COL23A1: variants seen among roughly 807,000 people sequenced by gnomAD.
The protein encoded by COL23A1 is collagen type XXIII alpha 1 chain.
In COL23A1, 97 loss-of-function variants were observed where a neutral mutation model predicts 99.3. The observed-to-expected ratio is 0.98, with a 90% CI of 0.83 to 1.16. The LOEUF (loss-of-function observed/expected upper bound fraction) is 1.16, where lower values mean the gene tolerates loss of function less well. Ranked by LOEUF, COL23A1 falls within the 50% of genes most tolerant of loss-of-function variation. The pLI, the probability that COL23A1 is intolerant of heterozygous loss-of-function variation, is 0.00. For missense variants in COL23A1, 762 were observed against 757.4 expected (o/e 1.01, Z -0.07); for synonymous variants, 320 against 308.2 (o/e 1.04, Z -0.40).
intron 5 of COL23A1, among the ~76,000 whole-genome samples, chr5:178,272,081 C>A (rs940575873): frequency 6.6e-5 from 10 of 152,234 alleles, no homozygotes; most frequent in Admixed American, 2.0e-4. Flanking sequence ...CCCTGTCCGT[C>A]CCGAGCTCTC....
chr5:178,502,232 C>T (rs981542868), intron 2 of COL23A1, among the ~76,000 whole-genome samples: 5 of 152,110 alleles, frequency 3.3e-5, no homozygotes, highest in South Asian at 2.1e-4. Context: ...CCCAGGTTCA[C>T]GCCATTCTCC....
At chr5:178,447,922 T>C (rs1038514102) in intron 2 of COL23A1, among the ~76,000 whole-genome samples, 1 of 152,092 alleles carries the variant, frequency 6.6e-6, no homozygotes, top group African/African-American at 2.4e-5. Flanking sequence ...GAGCTGATAA[T>C]GATGCCTTAA....
chr5:178,418,133 TA>T (rs1765412065), intron 2 of COL23A1, among the ~76,000 whole-genome samples: 1 of 152,240 alleles, frequency 6.6e-6, no homozygotes, highest in Non-Finnish European at 1.5e-5. Context: ...TGATCTTGGA[TA>T]AGTTACCTAA....
Position 178,488,698 on chromosome 5 carries a change from C to T in COL23A1, c.361+71984G>A, listed in dbSNP as rs546023272. Among the ~76,000 whole-genome samples, 22 of 150,498 alleles carry T rather than the reference C, an allele frequency of 1.5e-4. No individual in the cohort carries two copies. In the East Asian group the frequency reaches 3.9e-3, roughly 27 times the overall value. ...TGACTCTTTAAAAAAAAAAAAAACGCTTTGAGGTATGATTGACATGAACAA... is the reference window on the plus strand; with the variant it reads ...TGACTCTTTAAAAAAAAAAAAAACGTTTTGAGGTATGATTGACATGAACAA... On this transcript the variant is annotated intron_variant, in intron 2 of 28. Coordinates refer to ENST00000390654, the MANE Select transcript of COL23A1 (RefSeq NM_173465.4).
At chr5:178,320,470 C>T (rs541916500) in intron 2 of COL23A1, among the ~76,000 whole-genome samples, 22 of 152,324 alleles carry the variant, frequency 1.4e-4, no homozygotes, top group Admixed American at 3.3e-4. Flanking sequence ...AGGTCCCACG[C>T]GGCCCCCACG....
At chr5:178,276,889 G>T (rs541811163) in intron 5 of COL23A1, among the ~76,000 whole-genome samples, 1 of 152,296 alleles carries the variant, frequency 6.6e-6, no homozygotes, top group East Asian at 1.9e-4. Flanking sequence ...CCTCAACTCA[G>T]CAAACTGTAG....
At chr5:178,356,461 G>A (rs575401698) in intron 2 of COL23A1, among the ~76,000 whole-genome samples, 10 of 152,308 alleles carry the variant, frequency 6.6e-5, no homozygotes, top group African/African-American at 2.4e-4. Flanking sequence ...GGTATGTCTG[G>A]GGAGAACCAG....
chr5:178,529,737 G>A (rs1027425076), intron 2 of COL23A1, among the ~76,000 whole-genome samples: 3 of 152,052 alleles, frequency 2.0e-5, no homozygotes, highest in Non-Finnish European at 2.9e-5. Flanking sequence ...TCTCCCCAGC[G>A]AAACTACACA....
chr5:178,514,550 T>C (rs1381014459), intron 2 of COL23A1, among the ~76,000 whole-genome samples: 3 of 152,228 alleles, frequency 2.0e-5, no homozygotes, highest in African/African-American at 7.2e-5. Context: ...CCACAACCTG[T>C]GCCCTAAAAT....
chr5:178,385,020 C>A (rs938054946), intron 2 of COL23A1, among the ~76,000 whole-genome samples: 1 of 152,176 alleles, frequency 6.6e-6, no homozygotes, highest in Non-Finnish European at 1.5e-5. Context: ...GTCCCTAGAG[C>A]CTGAGCAGGT....
At chr5:178,299,132 T>C (rs1757900511) in intron 3 of COL23A1, among the ~76,000 whole-genome samples, 1 of 152,240 alleles carries the variant, frequency 6.6e-6, no homozygotes, top group South Asian at 2.1e-4. Context: ...GTGATGTCTT[T>C]GTCTAGTTTT....
At chr5:178,347,487 GA>G (rs1761040573) in intron 2 of COL23A1, among the ~76,000 whole-genome samples, 1 of 151,894 alleles carries the variant, frequency 6.6e-6, no homozygotes, top group South Asian at 2.1e-4. Flanking sequence ...AAACTTTCTG[GA>G]ATCAGACAGT....
intron 2 of COL23A1, among the ~76,000 whole-genome samples, chr5:178,487,839 G>A (rs1757718258): frequency 6.6e-6 from 1 of 152,228 alleles, no homozygotes; most frequent in Admixed American, 6.5e-5. Flanking sequence ...GGAACAGGAA[G>A]ACAAGAGCCA....
chr5:178,251,108 C>T (rs971036335), intron 17 of COL23A1, among the ~76,000 whole-genome samples: 6 of 151,266 alleles, frequency 4.0e-5, no homozygotes, highest in African/African-American at 9.7e-5. Flanking sequence ...CTACAAGCTC[C>T]GCCTGCTGGT....
chr5:178,479,128 G>A (rs1483940949), intron 2 of COL23A1, among the ~76,000 whole-genome samples: 1 of 145,834 alleles, frequency 6.9e-6, no homozygotes. Flanking sequence ...GATGATGACC[G>A]TGGTAATGAC....
chr5:178,523,195 TATATATAGAGAGAG>T (rs1399495885), intron 2 of COL23A1, among the ~76,000 whole-genome samples: 2 of 78,864 alleles, frequency 2.5e-5, no homozygotes, highest in African/African-American at 7.6e-5. Flanking sequence ...TATATATATA[TATATATAGAGAGAG>T]AGAGAGAGAG....
intron 2 of COL23A1, among the ~76,000 whole-genome samples, chr5:178,317,655 T>C (rs2127620937): frequency 6.6e-6 from 1 of 152,366 alleles, no homozygotes; most frequent in East Asian, 1.9e-4. Context: ...CACTCCTCTT[T>C]CATGTTTCAT....
rs145157312 is a variant in COL23A1, at chr5:178,535,667, C to T, written c.361+25015G>A. On this transcript the variant is annotated intron_variant, in intron 2 of 28. Transcript: ENST00000390654. ...CACTGGGAAAGAACCAGGGGTGGGACGTGACTCCAGGAGCTGGAGGCAGAC... is the reference window on the plus strand; with the variant it reads ...CACTGGGAAAGAACCAGGGGTGGGATGTGACTCCAGGAGCTGGAGGCAGAC... Among the ~76,000 whole-genome samples, 222 of 152,384 alleles carry T rather than the reference C, an allele frequency of 1.5e-3. 1 individual carries two copies. The highest frequency in any genetic ancestry group is 5.1e-3 in the African/African-American group (214 of 41,600).
At chr5:178,291,686 G>C (rs956343628) in intron 3 of COL23A1, among the ~76,000 whole-genome samples, 23 of 152,032 alleles carry the variant, frequency 1.5e-4, no homozygotes, top group African/African-American at 4.1e-4. Context: ...CGATGGGGAG[G>C]GGCAAGAGTG....
Sources: gnomAD v4.1 joint callset for allele counts (sites outside exome capture counted in the v4.1 genomes callset) on GRCh38, gnomAD v4.1.1 for gene constraint, MANE v1.5 for transcripts, NCBI Gene and HGNC (gene_info 2026-07-23, HGNC 2026-07-21) for gene names.